The following ASTN2 variants were observed in gnomAD, a reference collection of about 807,000 sequenced individuals.
ASTN2 encodes the protein astrotactin-2.
In ASTN2, 54 loss-of-function variants were observed where a neutral mutation model predicts 139.8. The ratio of observed to expected loss-of-function variants is 0.39; its 90% CI spans 0.31 to 0.48. The LOEUF is 0.48. Ranked by LOEUF, ASTN2 falls within the 20% of genes least tolerant of loss-of-function variation. The probability of loss-of-function intolerance (pLI) is 0.95; values close to 1 mark genes in which losing one functional copy is unlikely to be tolerated. For missense variants in ASTN2, 1,565 were observed against 1,725.1 expected (o/e 0.91, Z 1.64); for synonymous variants, 756 against 719.5 (o/e 1.05, Z -0.81).
intron 5 of ASTN2, among the ~76,000 whole-genome samples, chr9:117,057,945 C>T (rs534206409): frequency 5.1e-4 from 77 of 152,178 alleles, no homozygotes; most frequent in African/African-American, 1.8e-3. Flanking sequence ...AGAGGCACTC[C>T]CTCCCACCTC....
chr9:117,055,422 A>G (rs558454832), intron 5 of ASTN2, among the ~76,000 whole-genome samples: 13 of 152,340 alleles, frequency 8.5e-5, no homozygotes, highest in Non-Finnish European at 1.3e-4. Context: ...TTTGAGATCA[A>G]CCTGAGCAAC....
intron 2 of ASTN2, among the ~76,000 whole-genome samples, chr9:117,217,707 G>T (rs1296175122): frequency 6.6e-6 from 1 of 152,172 alleles, no homozygotes; most frequent in Non-Finnish European, 1.5e-5. Flanking sequence ...TGCTTGTGGG[G>T]TATTTAATAT....
chr9:116,506,121 G>C (rs963857835), intron 19 of ASTN2, among the ~76,000 whole-genome samples: 9 of 152,174 alleles, frequency 5.9e-5, no homozygotes, highest in Non-Finnish European at 1.2e-4. Context: ...AGCTTGTTCA[G>C]TGCCTTCTCC....
At chr9:116,919,940 CA>C (rs35192686) in intron 10 of ASTN2, among the ~76,000 whole-genome samples, 85,586 of 128,696 alleles carry the variant, frequency 0.67, 30,505 homozygotes, top group Non-Finnish European at 0.83. Flanking sequence ...GAATCTGTCT[CA>C]AAAAAAAAAA....
At chr9:116,662,000 CTTAAA>C (rs1037066789) in intron 16 of ASTN2, among the ~76,000 whole-genome samples, 6 of 148,906 alleles carry the variant, frequency 4.0e-5, no homozygotes, top group African/African-American at 1.5e-4. Flanking sequence ...TACCCTAGAA[CTTAAA>C]TTAAAAAAAA....
intron 10 of ASTN2, among the ~76,000 whole-genome samples, chr9:116,866,892 C>CAAAAAA (rs57448374): frequency 1.1e-5 from 1 of 90,674 alleles, no homozygotes; most frequent in African/African-American, 4.2e-5. Flanking sequence ...GACTCCGTCT[C>CAAAAAA]AAAAAAAAAA....
rs749146435 is a variant in ASTN2, at chr9:116,699,312, G to C, written c.2806+26459C>G. 6.2e-7 allele frequency: 1 copy of C among 1,614,084 alleles called. No homozygotes were observed. The highest frequency in any genetic ancestry group is 8.5e-7 in the Non-Finnish European group (1 of 1,180,046). On this transcript the variant is annotated intron_variant, in intron 16 of 22. Coordinates refer to ENST00000313400, the MANE Select transcript of ASTN2 (RefSeq NM_001365068.1). The surrounding 1 kb of genome is among the most constrained non-coding windows in gnomAD (Gnocchi z 4.2). Reference sequence around the variant, plus strand: ...GCCCAAATTTGTCACCTGTGATGCTGAGGGCACCGTCTACTTCACCCAGGG... The same window carrying C: ...GCCCAAATTTGTCACCTGTGATGCTCAGGGCACCGTCTACTTCACCCAGGG...
At chr9:117,358,037 A>T (rs764929080) in intron 1 of ASTN2, among the ~76,000 whole-genome samples, 6 of 152,180 alleles carry the variant, frequency 3.9e-5, no homozygotes, top group Non-Finnish European at 8.8e-5. Context: ...TTTAATACTG[A>T]ACACGTGGGA....
At chr9:116,467,423 C>T (rs1202532305) in intron 20 of ASTN2, among the ~76,000 whole-genome samples, 1 of 152,200 alleles carries the variant, frequency 6.6e-6, no homozygotes, top group Non-Finnish European at 1.5e-5. Context: ...CACGCCACCA[C>T]TTCCAGCTAA....
In ASTN2 at chr9:116,698,572, A is replaced by G. The variant is rs1425104410; in HGVS notation, c.2806+27199T>C. The G allele has an allele frequency of 6.2e-7, 1 of 1,614,044 alleles. No homozygotes were observed. The highest frequency in any genetic ancestry group is 1.3e-5 in the African/African-American group (1 of 75,056). On this transcript the variant is annotated intron_variant, in intron 16 of 22. Coordinates refer to ENST00000313400, the MANE Select transcript of ASTN2 (RefSeq NM_001365068.1). This position sits in a 1 kb window ranked among gnomAD's most constrained non-coding sequence, Gnocchi z 4.4. ...TTGCCTCGGGAGCTCACCCTGCAAG[A>G]TGTGGAGCTCCTTAAGGTAGGTCAT...
At chr9:116,898,409 CAA>C (rs60880553) in intron 10 of ASTN2, among the ~76,000 whole-genome samples, 3 of 138,644 alleles carry the variant, frequency 2.2e-5, no homozygotes, top group Admixed American at 7.2e-5. Context: ...GACCCTGTCT[CAA>C]AAAAAAAAAA....
At chr9:117,296,558 G>C (rs1167924510) in intron 1 of ASTN2, among the ~76,000 whole-genome samples, 1 of 152,016 alleles carries the variant, frequency 6.6e-6, no homozygotes, top group Non-Finnish European at 1.5e-5. Context: ...ACATTTCATT[G>C]AAGTCTCCAA....
At chr9:117,127,424 G>A (rs576669338) in intron 4 of ASTN2, among the ~76,000 whole-genome samples, 8 of 152,214 alleles carry the variant, frequency 5.3e-5, no homozygotes, top group South Asian at 4.1e-4. Flanking sequence ...ATCACACATA[G>A]GTAATTTGGA....
At chr9:117,240,739 C>T (rs1833180534) in intron 2 of ASTN2, among the ~76,000 whole-genome samples, 1 of 152,152 alleles carries the variant, frequency 6.6e-6, no homozygotes, top group African/African-American at 2.4e-5. Context: ...GAAAGTGTTT[C>T]CTGAGGTTTT....
chr9:116,846,169 G>A (rs935148298), intron 11 of ASTN2, among the ~76,000 whole-genome samples: 4 of 152,136 alleles, frequency 2.6e-5, no homozygotes, highest in Non-Finnish European at 5.9e-5. Context: ...TCACAGAGAT[G>A]GAAAGCAGAA....
intron 2 of ASTN2, among the ~76,000 whole-genome samples, chr9:117,218,712 T>C (rs765744914): frequency 3.3e-5 from 5 of 152,252 alleles, no homozygotes; most frequent in Non-Finnish European, 7.3e-5. Context: ...TTCAGTTTAT[T>C]AATCAGTAAA....
chr9:116,811,507 G>A (rs552546790), intron 12 of ASTN2, among the ~76,000 whole-genome samples: 9 of 152,178 alleles, frequency 5.9e-5, no homozygotes, highest in Non-Finnish European at 1.2e-4. Context: ...TAATTTCTAT[G>A]TTGGTAAATT....
chr9:117,016,800 T>TTTTATATATATA (rs1837725341), intron 6 of ASTN2, among the ~76,000 whole-genome samples: 1 of 118,244 alleles, frequency 8.5e-6, no homozygotes, highest in Non-Finnish European at 1.8e-5. Context: ...TATATATAGG[T>TTTTATATATATA]TATATATATG....
intron 13 of ASTN2, among the ~76,000 whole-genome samples, chr9:116,795,557 A>G: frequency 6.6e-6 from 1 of 152,096 alleles, no homozygotes; most frequent in African/African-American, 2.4e-5. Flanking sequence ...CATGACCCTC[A>G]CCCCCAGAGC....
Sources: gnomAD v4.1 joint callset for allele counts (sites outside exome capture counted in the v4.1 genomes callset) on GRCh38, gnomAD v4.1.1 for gene constraint, Gnocchi (gnomAD v3.1) non-coding constraint, MANE v1.5 for transcripts, NCBI Gene and HGNC (gene_info 2026-07-23, HGNC 2026-07-21) for gene names.